Variants in GRIK2 observed in about 807,000 individuals in gnomAD.
The protein encoded by GRIK2 is glutamate ionotropic receptor kainate type subunit 2.
GRIK2 carries 32 observed loss-of-function variants against 100.3 expected under a neutral mutation model. The observed-to-expected ratio is 0.32, with a 90% CI of 0.24 to 0.43. The LOEUF is 0.43. Among genes scored for constraint, GRIK2 ranks in the 20% least tolerant of loss-of-function variants. GRIK2 has a pLI of 1.00. For synonymous variants in GRIK2, 417 were observed against 389.4 expected (o/e 1.07, Z -0.83); for missense variants, 843 against 1,114.9 (o/e 0.76, Z 3.47).
At chr6:101,925,202 T>G (rs1582548120) in intron 13 of GRIK2, among the ~76,000 whole-genome samples, 1 of 152,154 alleles carries the variant, frequency 6.6e-6, no homozygotes, top group Non-Finnish European at 1.5e-5. Context: ...TATTAAAACA[T>G]GAACTTTTTG....
chr6:102,064,014 C>T lies in GRIK2; in HGVS notation c.2563-4333C>T, dbSNP rs1412147876. 2.6e-6 allele frequency: 4 copies of T among 1,534,050 alleles called. No individual in the cohort carries two copies. In the East Asian group the frequency reaches 9.1e-5, roughly 35 times the overall value. On this transcript the variant is annotated intron_variant, in intron 16 of 16. Coordinates refer to ENST00000369134, the MANE Select transcript of GRIK2 (RefSeq NM_021956.5). ...TACCATCCAGACACTGTTTAGTAAT[C>T]TTTTGAAACTTACTAAAAGAGGTTT...
chr6:101,974,777 T>C (rs1793266622), intron 14 of GRIK2, among the ~76,000 whole-genome samples: 1 of 151,984 alleles, frequency 6.6e-6, no homozygotes, highest in South Asian at 2.1e-4. Flanking sequence ...TTTGATTAAA[T>C]AGCTGGGTAC....
At chr6:101,779,566 G>A (rs756856834) in intron 7 of GRIK2, among the ~76,000 whole-genome samples, 1 of 152,160 alleles carries the variant, frequency 6.6e-6, no homozygotes, top group Non-Finnish European at 1.5e-5. Context: ...AATAAAAATA[G>A]CTTCAATCTA....
At chr6:101,571,529 A>G (rs770182112) in intron 2 of GRIK2, among the ~76,000 whole-genome samples, 2 of 152,142 alleles carry the variant, frequency 1.3e-5, no homozygotes, top group Non-Finnish European at 2.9e-5. Context: ...GGGAACAACT[A>G]AATTGATTCT....
chr6:101,946,392 GT>G (rs2128477422), intron 14 of GRIK2, among the ~76,000 whole-genome samples: 1 of 152,100 alleles, frequency 6.6e-6, no homozygotes, highest in African/African-American at 2.4e-5. Context: ...TAGCCAGGGT[GT>G]GGTGGCACAT....
intron 14 of GRIK2, among the ~76,000 whole-genome samples, chr6:101,994,501 CA>C (rs1794548382): frequency 6.6e-6 from 1 of 151,632 alleles, no homozygotes; most frequent in African/African-American, 2.4e-5. Flanking sequence ...TTTTATATCA[CA>C]AAAATGACTG....
intron 12 of GRIK2, among the ~76,000 whole-genome samples, chr6:101,893,954 A>G (rs1787271607): frequency 6.6e-6 from 1 of 151,630 alleles, no homozygotes; most frequent in South Asian, 2.1e-4. Flanking sequence ...TATTTTAAAT[A>G]CGCTTTTCTG....
Position 101,718,121 on chromosome 6 carries a change from T to TA in GRIK2, c.951+31774dup, listed in dbSNP as rs1169800488. Among the ~76,000 whole-genome samples, 7 of 151,788 alleles carry TA rather than the reference T, an allele frequency of 4.6e-5. No individual in the cohort carries two copies. In the East Asian group the frequency reaches 1.4e-3, roughly 29 times the overall value. ...TTATATTTTATTCATTAAAATGTAA[T>TA]AAAAAATAATTGAAAACTGATGCTA... On this transcript the variant is annotated intron_variant, in intron 7 of 16. Coordinates refer to ENST00000369134, the MANE Select transcript of GRIK2 (RefSeq NM_021956.5).
At chr6:101,886,820 C>CTTTT (rs3054431) in intron 11 of GRIK2, among the ~76,000 whole-genome samples, 4 of 73,308 alleles carry the variant, frequency 5.5e-5, no homozygotes, top group African/African-American at 2.1e-4. Flanking sequence ...TTCTTTCTAC[C>CTTTT]TTTTTTTTTT....
chr6:101,985,003 T>C (rs1223917139), intron 14 of GRIK2, among the ~76,000 whole-genome samples: 1 of 151,714 alleles, frequency 6.6e-6, no homozygotes, highest in Non-Finnish European at 1.5e-5. Context: ...CAGAGACTTC[T>C]TTGTTAAACC....
At chr6:101,761,101 T>A (rs1024414584) in intron 7 of GRIK2, among the ~76,000 whole-genome samples, 2 of 152,128 alleles carry the variant, frequency 1.3e-5, no homozygotes, top group Admixed American at 1.3e-4. Flanking sequence ...CTCTTTTGAC[T>A]CCATCTAGAA....
In GRIK2 at chr6:101,398,988, C is replaced by G. The variant is rs1030572988; in HGVS notation, c.-290C>G. 2.3e-6 allele frequency: 1 copy of G among 440,774 alleles called. No individual in the cohort carries two copies. The highest frequency in any genetic ancestry group is 4.0e-6 in the Non-Finnish European group (1 of 250,462). The allele number at this position is 440,774 out of a possible 1,614,324, so 27.3% of individuals were successfully genotyped here. On this transcript the variant is annotated 5_prime_UTR_variant, in exon 2 of 17. Transcript: ENST00000369134. ...CCCTCCTCCTCTGCTTTCACAGGCTCGCGCGGCCGGACATTGTGGGTGTGC... is the reference window on the plus strand; with the variant it reads ...CCCTCCTCCTCTGCTTTCACAGGCTGGCGCGGCCGGACATTGTGGGTGTGC...
intron 2 of GRIK2, among the ~76,000 whole-genome samples, chr6:101,422,433 C>T (rs1776453577): frequency 6.6e-6 from 1 of 152,082 alleles, no homozygotes; most frequent in South Asian, 2.1e-4. Flanking sequence ...ACTCACTACA[C>T]ATTACAGCAC....
intron 2 of GRIK2, among the ~76,000 whole-genome samples, chr6:101,474,744 T>C (rs1772139815): frequency 6.6e-6 from 1 of 151,678 alleles, no homozygotes; most frequent in Non-Finnish European, 1.5e-5. Context: ...TTTTGTTTTT[T>C]ACTTTGTTAG....
chr6:101,468,653 C>T (rs188371033), intron 2 of GRIK2, among the ~76,000 whole-genome samples: 4 of 152,160 alleles, frequency 2.6e-5, no homozygotes, highest in East Asian at 3.9e-4. Context: ...CTCTTTGAAA[C>T]GGGTACGATA....
intron 2 of GRIK2, among the ~76,000 whole-genome samples, chr6:101,463,810 C>G (rs1022241772): frequency 6.6e-6 from 1 of 150,790 alleles, no homozygotes; most frequent in Non-Finnish European, 1.5e-5. Context: ...TTTTGAGGAG[C>G]ACTAGTGAAC....
In GRIK2 at chr6:102,057,294, A is replaced by G. The variant is rs552663447; in HGVS notation, c.2562+1714A>G. Among the ~76,000 whole-genome samples the G allele has an allele frequency of 1.3e-3, 204 of 152,068 alleles. 1 individual carries two copies. Among genetic ancestry groups the G allele is most frequent in the Non-Finnish European group, 1.2e-3 (81 of 67,932 alleles). On this transcript the variant is annotated intron_variant, in intron 16 of 16. Coordinates refer to ENST00000369134, the MANE Select transcript of GRIK2 (RefSeq NM_021956.5). ...GTCTCTTGATGATATGTGGTATTCTATTGTGCTTACCTCTATGTGTCCCAT... is the reference window on the plus strand; with the variant it reads ...GTCTCTTGATGATATGTGGTATTCTGTTGTGCTTACCTCTATGTGTCCCAT...
At chr6:101,740,793 C>A (rs550410816) in intron 7 of GRIK2, among the ~76,000 whole-genome samples, 1 of 152,194 alleles carries the variant, frequency 6.6e-6, no homozygotes, top group Non-Finnish European at 1.5e-5. Context: ...GGGGGTGGTG[C>A]CAGGTTCTTT....
chr6:102,028,841 A>G (rs920007757), intron 14 of GRIK2, among the ~76,000 whole-genome samples: 1 of 151,100 alleles, frequency 6.6e-6, no homozygotes, highest in Admixed American at 6.6e-5. Flanking sequence ...TTTTAAGGCA[A>G]GGAGCTTTGG....
Sources: gnomAD v4.1 joint callset for allele counts (sites outside exome capture counted in the v4.1 genomes callset) on GRCh38, gnomAD v4.1.1 for gene constraint, MANE v1.5 for transcripts, NCBI Gene and HGNC (gene_info 2026-07-23, HGNC 2026-07-21) for gene names.